Variants in ELOVL5 observed in about 807,000 individuals in gnomAD.
The protein encoded by ELOVL5 is ELOVL fatty acid elongase 5.
In ELOVL5, 8 loss-of-function variants were observed where a neutral mutation model predicts 38.6. The ratio of observed to expected loss-of-function variants is 0.21; its 90% CI spans 0.12 to 0.37. The LOEUF (loss-of-function observed/expected upper bound fraction) is 0.37, where lower values mean the gene tolerates loss of function less well. Among genes scored for constraint, ELOVL5 ranks in the 10% least tolerant of loss-of-function variants. ELOVL5 has a pLI of 1.00. For missense variants in ELOVL5, 280 were observed against 367.8 expected (o/e 0.76, Z 1.95); for synonymous variants, 127 against 133.7 (o/e 0.95, Z 0.34).
chr6:53,269,279 T>C lies in ELOVL5; in HGVS notation c.757-9A>G, dbSNP rs1243719602. On this transcript the variant is annotated splice_polypyrimidine_tract_variant and intron_variant, in intron 7 of 7. Transcript: ENST00000304434. ...CCTTTCTTGTTGTAGGTCTAAAATG[T>C]GTAAGGGCAGATGAGAACCAAATGA... 6 of 1,597,914 alleles carry C rather than the reference T, an allele frequency of 3.8e-6. No homozygotes were observed. The highest frequency in any genetic ancestry group is 5.1e-6 in the Non-Finnish European group (6 of 1,174,382).
At chr6:53,308,959 T>G (rs192433165) in intron 1 of ELOVL5, among the ~76,000 whole-genome samples, 410 of 152,038 alleles carry the variant, frequency 2.7e-3, no homozygotes, top group Non-Finnish European at 4.9e-3. Context: ...CGTATCAAGA[T>G]AGAGATCAGT....
In ELOVL5 at chr6:53,271,274, G is replaced by A. The variant is rs369771741; in HGVS notation, c.622-547C>T. On this transcript the variant is annotated intron_variant, in intron 6 of 7. Transcript: ENST00000304434. The stretch of plus-strand genomic sequence containing the variant: ...TTTTAAAAAGGGCTAGGCTCAGGCC[G>A]GGCGTGGTGGCTCACGCCTGTAATT... Among the ~76,000 whole-genome samples, 11 of 152,052 alleles carry A rather than the reference G, an allele frequency of 7.2e-5. No individual in the cohort carries two copies. The South Asian group carries it at 8.3e-4, about 11-fold the overall frequency.
chr6:53,330,945 T>C (rs1231637337), intron 1 of ELOVL5, among the ~76,000 whole-genome samples: 2 of 152,168 alleles, frequency 1.3e-5, no homozygotes, highest in African/African-American at 4.8e-5. Flanking sequence ...GGCAATAACA[T>C]GTGATAACAA....
chr6:53,276,129 T>TA (rs765441431), intron 4 of ELOVL5, 50 bp downstream of exon 4: 69 of 1,294,206 alleles, frequency 5.3e-5, no homozygotes, highest in South Asian at 1.3e-5. Flanking sequence ...CAATTTATTT[T>TA]TAAAAACTCA....
At chr6:53,279,259 C>G (rs1441259889) in intron 3 of ELOVL5, among the ~76,000 whole-genome samples, 1 of 152,146 alleles carries the variant, frequency 6.6e-6, no homozygotes, top group Non-Finnish European at 1.5e-5. Flanking sequence ...CTGTTTTATT[C>G]TTTTCAACTA....
At position 53,315,853 on chromosome 6, in the gene ELOVL5, G is replaced by A. The variant is rs367902259; in HGVS notation, c.-8-20146C>T. The stretch of plus-strand genomic sequence containing the variant: ...TTACTTAACTCATAATGAAGTGGCA[G>A]CAATAGGACTAGATTCTCACCATTT... On this transcript the variant is annotated intron_variant, in intron 1 of 7. Coordinates refer to ENST00000304434, the MANE Select transcript of ELOVL5 (RefSeq NM_021814.5). 7.2e-5 allele frequency among the ~76,000 whole-genome samples: 11 copies of A among 152,332 alleles called. No individual in the cohort carries two copies. In the East Asian group the frequency reaches 2.1e-3, roughly 29 times the overall value.
At chr6:53,309,290 G>A (rs535554661) in intron 1 of ELOVL5, among the ~76,000 whole-genome samples, 1 of 152,300 alleles carries the variant, frequency 6.6e-6, no homozygotes, top group African/African-American at 2.4e-5. Flanking sequence ...ATGGAACACT[G>A]CTGACAGGCT....
Position 53,334,137 on chromosome 6 carries a change from A to C in ELOVL5, c.-9+14680T>G, listed in dbSNP as rs1768935711. On this transcript the variant is annotated intron_variant, in intron 1 of 7. Coordinates refer to ENST00000304434, the MANE Select transcript of ELOVL5 (RefSeq NM_021814.5). ...TTTAGGATGTAAACATGTCTAAAAA[A>C]GTGTTTGATGCCAAACTGACATTTT... Among the ~76,000 whole-genome samples the C allele has an allele frequency of 2.0e-5, 3 of 152,352 alleles. No individual in the cohort carries two copies. In the South Asian group the frequency reaches 6.2e-4, roughly 32 times the overall value.
chr6:53,289,245 A>G (rs1766683803), intron 3 of ELOVL5, among the ~76,000 whole-genome samples: 1 of 152,244 alleles, frequency 6.6e-6, no homozygotes, highest in Non-Finnish European at 1.5e-5. Context: ...AGGTAAATAA[A>G]AACTAAAATA....
chr6:53,330,517 C>CTTTTTTTT lies in ELOVL5; in HGVS notation c.-9+18292_-9+18299dup, dbSNP rs757160862. On this transcript the variant is annotated intron_variant, in intron 1 of 7. Transcript: ENST00000304434. The stretch of plus-strand genomic sequence containing the variant: ...ATGGTAACATTTTTTTCTTTATAAA[C>CTTTTTTTT]TTTTTTTTTTTTTTTTTTTTTTTTA... 3.6e-4 allele frequency among the ~76,000 whole-genome samples: 33 copies of CTTTTTTTT among 91,420 alleles called. 1 individual carries two copies. The highest frequency in any genetic ancestry group is 7.5e-4 in the East Asian group (2 of 2,668). 60.0% of individuals were successfully genotyped at this position (91,420 alleles called of 152,430 possible).
intron 1 of ELOVL5, among the ~76,000 whole-genome samples, chr6:53,323,938 C>T (rs209501): frequency 0.92 from 139,563 of 152,280 alleles, 64,258 homozygotes; most frequent in African/African-American, 0.97. Flanking sequence ...TTTTAAAATA[C>T]GGATATGCAG....
chr6:53,317,536 C>T (rs189012402), intron 1 of ELOVL5, among the ~76,000 whole-genome samples: 16 of 152,056 alleles, frequency 1.1e-4, no homozygotes, highest in Non-Finnish European at 1.6e-4. Flanking sequence ...AGCAAACTAT[C>T]GCAAGGACAA....
chr6:53,292,185 C>G (rs971109728), intron 2 of ELOVL5, among the ~76,000 whole-genome samples: 2 of 152,058 alleles, frequency 1.3e-5, no homozygotes, highest in African/African-American at 4.8e-5. Flanking sequence ...ATGATTTTTG[C>G]TCAGTAAAAT....
intron 1 of ELOVL5, chr6:53,337,378 C>T (rs1746407466): frequency 6.6e-6 from 1 of 152,198 alleles, no homozygotes; most frequent in Non-Finnish European, 1.5e-5. Context: ...TGTCTCCAGG[C>T]ATAGGTAAGA....
intron 1 of ELOVL5, among the ~76,000 whole-genome samples, chr6:53,308,948 T>A (rs2127581977): frequency 6.6e-6 from 1 of 151,994 alleles, no homozygotes; most frequent in East Asian, 1.9e-4. Context: ...AAATAAAACC[T>A]CGTATCAAGA....
intron 1 of ELOVL5, among the ~76,000 whole-genome samples, chr6:53,297,635 T>A (rs943514549): frequency 6.6e-6 from 1 of 152,208 alleles, no homozygotes; most frequent in African/African-American, 2.4e-5. Flanking sequence ...GTTATTGTTG[T>A]TAATCTTACT....
intron 3 of ELOVL5, among the ~76,000 whole-genome samples, chr6:53,286,382 G>A (rs1000045612): frequency 4.6e-5 from 7 of 152,040 alleles, no homozygotes; most frequent in Admixed American, 6.6e-5. Context: ...AGGCAACACC[G>A]TGAGACAATG....
intron 1 of ELOVL5, among the ~76,000 whole-genome samples, chr6:53,305,359 C>T (rs1221533687): frequency 7.1e-5 from 8 of 112,684 alleles, no homozygotes; most frequent in East Asian, 5.2e-4. Context: ...CCGGACGGGG[C>T]GGCTGGCCTG....
intron 1 of ELOVL5, among the ~76,000 whole-genome samples, chr6:53,317,651 G>A (rs1339279038): frequency 3.9e-5 from 6 of 151,946 alleles, no homozygotes; most frequent in Non-Finnish European, 8.8e-5. Context: ...TTGTGGGGTC[G>A]GGGGAGGAGG....
Sources: gnomAD v4.1 joint callset for allele counts (sites outside exome capture counted in the v4.1 genomes callset) on GRCh38, gnomAD v4.1.1 for gene constraint, MANE v1.5 for transcripts, NCBI Gene and HGNC (gene_info 2026-07-23, HGNC 2026-07-21) for gene names.